SLK: variants seen among roughly 807,000 people sequenced by gnomAD.
SLK encodes the protein STE20 like kinase.
SLK carries 67 observed loss-of-function variants against 147.7 expected under a neutral mutation model. The ratio of observed to expected loss-of-function variants is 0.45; its 90% CI spans 0.37 to 0.56. The LOEUF (loss-of-function observed/expected upper bound fraction) is 0.56. SLK is among the 20% of genes least tolerant of loss of function. The pLI, the probability that SLK is intolerant of heterozygous loss-of-function variation, is 0.00. For missense variants in SLK, 1,136 were observed against 1,438.8 expected, an observed-to-expected ratio of 0.79 and a Z score of 3.41; for synonymous variants, 441 against 475.0, an observed-to-expected ratio of 0.93 and a Z score of 0.93.
chr10:104,006,055 C>T lies in SLK; in HGVS notation c.2604+20C>T. On this transcript the variant is annotated intron_variant, in intron 11 of 18. Coordinates refer to ENST00000369755, the MANE Select transcript of SLK (RefSeq NM_014720.4). ...ATGATGGTAAAGTCTGATTGTTATA[C>T]CATTTTATATCATTTTGTGTTAATA... The T allele has an allele frequency of 6.2e-7, 1 of 1,602,030 alleles. No homozygotes were observed.
intron 13 of SLK, among the ~76,000 whole-genome samples, chr10:104,016,212 A>G (rs542410910): frequency 6.6e-6 from 1 of 152,056 alleles, no homozygotes; most frequent in African/African-American, 2.4e-5. Context: ...CCGGCTACTC[A>G]GGAGGCTGAG....
chr10:103,973,965 G>A (rs551385082), intron 1 of SLK, among the ~76,000 whole-genome samples: 2 of 152,162 alleles, frequency 1.3e-5, no homozygotes, highest in Non-Finnish European at 2.9e-5. Context: ...AAGAGTTGCT[G>A]TTGAATGTCT....
chr10:104,014,479 T>C (rs1844437515), intron 13 of SLK, among the ~76,000 whole-genome samples: 1 of 152,250 alleles, frequency 6.6e-6, no homozygotes, highest in African/African-American at 2.4e-5. Flanking sequence ...ACCCCTCCTT[T>C]TTCCTCTCCT....
At chr10:103,979,595 G>A (rs796261011) in intron 1 of SLK, among the ~76,000 whole-genome samples, 18 of 152,190 alleles carry the variant, frequency 1.2e-4, no homozygotes, top group African/African-American at 4.3e-4. Context: ...TGCCCTGATG[G>A]ATGTGAAGTA....
intron 1 of SLK, among the ~76,000 whole-genome samples, chr10:103,986,602 C>G (rs115365423): frequency 6.6e-6 from 1 of 150,954 alleles, no homozygotes; most frequent in Non-Finnish European, 1.5e-5. Context: ...TGGACTGGTA[C>G]TGGTTTGTGG....
chr10:104,008,190 A>C lies in SLK; in HGVS notation c.2618A>C (p.Gln873Pro). 6.2e-7 allele frequency: 1 copy of C among 1,612,750 alleles called. No individual in the cohort carries two copies. Among genetic ancestry groups the C allele is most frequent in the South Asian group, 1.1e-5 (1 of 90,744 alleles). The change falls in exon 12 of 19, where the codon CAA becomes CCA. Residue 873 changes from glutamine (Q) to proline (P), a missense_variant. Gln to Pro is a moderately conservative substitution (Grantham distance 76). Coordinates refer to ENST00000369755, the MANE Select transcript of SLK (RefSeq NM_014720.4). ...ATTGTTTTACAGAGTAAAAAGCGAC[A>C]ATATGACCAGGAAATTGAGAATCTA... The part of the protein sequence containing the change: ...FEQEMMSKKR[Q>P]YDQEIENLEK...
chr10:104,015,913 G>T (rs1229233753), intron 13 of SLK, among the ~76,000 whole-genome samples: 2 of 151,564 alleles, frequency 1.3e-5, no homozygotes, highest in East Asian at 1.9e-4. Context: ...TGTCTACACA[G>T]ATTTTTTTTT....
intron 13 of SLK, among the ~76,000 whole-genome samples, chr10:104,014,305 A>G (rs1268198365): frequency 1.3e-5 from 2 of 152,172 alleles, no homozygotes; most frequent in African/African-American, 4.8e-5. Context: ...ATGAATAGTG[A>G]GTTTCTATTC....
At chr10:103,993,786 AAGGC>A in intron 4 of SLK, among the ~76,000 whole-genome samples, 1 of 152,346 alleles carries the variant, frequency 6.6e-6, no homozygotes, top group South Asian at 2.1e-4. Context: ...TATATTTTGG[AAGGC>A]TATTCAAAGG....
In SLK at chr10:104,026,695, T is replaced by TA. The variant is rs1166020288; in HGVS notation, c.*976dup. 2 of 152,228 alleles carry TA rather than the reference T, an allele frequency of 1.3e-5. No individual in the cohort carries two copies. The highest frequency in any genetic ancestry group is 2.4e-5 in the African/African-American group (1 of 41,462). The allele number at this position is 152,228 out of a possible 1,614,324, so 9.4% of individuals were successfully genotyped here. ...AGGCCTGCAGGCTGTGAGTTATATT[T>TA]ATAAATATATCTTCAGAAATTAATC... On this transcript the variant is annotated 3_prime_UTR_variant, in exon 19 of 19. Transcript: ENST00000369755.
intron 1 of SLK, among the ~76,000 whole-genome samples, chr10:103,989,384 A>G (rs750324668): frequency 4.0e-5 from 6 of 151,008 alleles, no homozygotes; most frequent in Non-Finnish European, 8.9e-5. Flanking sequence ...GCTGGTGAGG[A>G]TGTGGAGCAA....
At position 104,020,601 on chromosome 10, in the gene SLK, G is replaced by C. The variant is rs1306357600; in HGVS notation, c.3435G>C (p.Leu1145=). 3 of 1,612,372 alleles carry C rather than the reference G, an allele frequency of 1.9e-6. No individual in the cohort carries two copies. The highest frequency in any genetic ancestry group is 2.5e-6 in the Non-Finnish European group (3 of 1,179,428). The change falls in exon 17 of 19, where the codon CTG becomes CTC. Residue 1145 remains leucine, a synonymous_variant. Coordinates refer to ENST00000369755, the MANE Select transcript of SLK (RefSeq NM_014720.4). ...AGTGTGAAGCCAATGTCCGCGAACTGCATCAGCTGCAGGTCAGATACAGAA... is the reference window on the plus strand; with the variant it reads ...AGTGTGAAGCCAATGTCCGCGAACTCCATCAGCTGCAGGTCAGATACAGAA... The part of the protein sequence containing the change: ...QLQCEANVRE[L]HQLQNEKCHL...
chr10:104,004,593 TGGA>T (rs894758087), intron 9 of SLK, among the ~76,000 whole-genome samples: 13 of 152,114 alleles, frequency 8.5e-5, no homozygotes, highest in African/African-American at 3.1e-4. Flanking sequence ...CCTGGAAGCT[TGGA>T]GAAGAGAACA....
At chr10:104,010,302 A>G (rs1390962605) in intron 12 of SLK, among the ~76,000 whole-genome samples, 1 of 152,162 alleles carries the variant, frequency 6.6e-6, no homozygotes, top group East Asian at 1.9e-4. Context: ...TCCTTTGTGT[A>G]TTCTAAGACT....
At chr10:104,009,898 C>T (rs1354161649) in intron 12 of SLK, among the ~76,000 whole-genome samples, 1 of 151,936 alleles carries the variant, frequency 6.6e-6, no homozygotes, top group East Asian at 1.9e-4. Context: ...GATGTTAAAT[C>T]AAAATCAGTC....
chr10:103,977,995 A>G (rs1485590347), intron 1 of SLK, among the ~76,000 whole-genome samples: 2 of 152,148 alleles, frequency 1.3e-5, no homozygotes, highest in African/African-American at 4.8e-5. Context: ...TCATCCATTT[A>G]TCCATTCATT....
At chr10:104,022,770 G>C (rs1307297267) in intron 18 of SLK, among the ~76,000 whole-genome samples, 2 of 152,136 alleles carry the variant, frequency 1.3e-5, no homozygotes, top group Non-Finnish European at 2.9e-5. Flanking sequence ...ACCACACCTG[G>C]CTAATTTTTG....
rs1589538814 is a variant in SLK, at chr10:104,003,467, G to C, written c.2289G>C (p.Leu763Phe). Residue 763 changes from leucine (L) to phenylalanine (F), a missense_variant, in exon 9 of 19, where the codon TTG (leucine) becomes TTC (phenylalanine). Coordinates refer to ENST00000369755, the MANE Select transcript of SLK (RefSeq NM_014720.4). ...GSTADTSSIDLNLSISSFLSK... is the reference protein window; with the variant it reads ...GSTADTSSIDFNLSISSFLSK... ...CTGCTGATACTAGCAGTATTGACTTGAATTTATCCATCTCTAGCTTTCTAA... is the reference window on the plus strand; with the variant it reads ...CTGCTGATACTAGCAGTATTGACTTCAATTTATCCATCTCTAGCTTTCTAA... 2 of 1,608,930 alleles carry C rather than the reference G, an allele frequency of 1.2e-6. No individual in the cohort carries two copies. The highest frequency in any genetic ancestry group is 1.7e-4 in the Middle Eastern group (1 of 6,018).
At chr10:103,978,216 G>A (rs1452817207) in intron 1 of SLK, among the ~76,000 whole-genome samples, 2 of 151,884 alleles carry the variant, frequency 1.3e-5, no homozygotes, top group Non-Finnish European at 2.9e-5. Context: ...TTAGTTTTCT[G>A]TTTTCTACCA....
Sources: allele counts gnomAD v4.1 joint callset (sites outside exome capture counted in the v4.1 genomes callset), GRCh38; gene constraint gnomAD v4.1.1; transcripts MANE v1.5; gene names NCBI Gene and HGNC (gene_info 2026-07-23, HGNC 2026-07-21).